The following PREP variants were observed in gnomAD, a reference collection of about 807,000 sequenced individuals.
The protein encoded by PREP is prolyl endopeptidase.
In PREP, 29 loss-of-function variants were observed where a neutral mutation model predicts 87.6. The observed-to-expected ratio is 0.33, with a 90% CI of 0.25 to 0.45. PREP has a LOEUF of 0.45. Among genes scored for constraint, PREP ranks in the 20% least tolerant of loss-of-function variants. PREP has a pLI of 1.00. For synonymous variants in PREP, 337 were observed against 328.6 expected, an observed-to-expected ratio of 1.03 and a Z score of -0.28; for missense variants, 695 against 886.5, an observed-to-expected ratio of 0.78 and a Z score of 2.74.
Position 105,278,488 on chromosome 6 carries a change from T to TA in PREP, c.1839-51dup. ...AGGCTGGAGAGCAACAGTAGAGTTT[T>TA]ATGGCACAGGGACCTAGGTAGTTAA... On this transcript the variant is annotated intron_variant, in intron 14 of 14. Transcript: ENST00000652536. The surrounding 1 kb of genome is among the most constrained non-coding windows in gnomAD (Gnocchi z 4.2). The TA allele has an allele frequency of 6.5e-7, 1 of 1,544,484 alleles. No homozygotes were observed. The highest frequency in any genetic ancestry group is 2.3e-5 in the East Asian group (1 of 44,316).
intron 2 of PREP, among the ~76,000 whole-genome samples, chr6:105,385,086 G>A (rs1268670150): frequency 1.3e-5 from 2 of 152,130 alleles, no homozygotes; most frequent in Non-Finnish European, 2.9e-5. Flanking sequence ...GAGCAGGCTG[G>A]AAAGAGGAGA....
intron 10 of PREP, among the ~76,000 whole-genome samples, chr6:105,317,130 TA>T (rs771901952): frequency 1.7e-4 from 26 of 151,924 alleles, no homozygotes; most frequent in East Asian, 5.8e-4. Flanking sequence ...AAAATATATA[TA>T]TTTTTTTGTA....
chr6:105,333,841 G>A (rs921137656), intron 7 of PREP, among the ~76,000 whole-genome samples: 12 of 152,032 alleles, frequency 7.9e-5, no homozygotes, highest in East Asian at 5.8e-4. Flanking sequence ...CCAAGTCGTC[G>A]TCGTCTCCCT....
At chr6:105,306,929 G>A (rs1485630622) in intron 10 of PREP, among the ~76,000 whole-genome samples, 2 of 152,190 alleles carry the variant, frequency 1.3e-5, no homozygotes, top group African/African-American at 4.8e-5. Flanking sequence ...CTTATCTGCA[G>A]CACTGTGAGG....
rs1461014290 is a variant in PREP at position 105,397,872 on chromosome 6, G to T, written c.101C>A (p.Pro34His). 6.2e-7 allele frequency: 1 copy of T among 1,611,762 alleles called. No homozygotes were observed. The highest frequency in any genetic ancestry group is 2.2e-5 in the East Asian group (1 of 44,876). ...AATTACCTTAGTCTGTTCACTGTCG[G>T]GGTCTTCAAGCCAGGCGTAAGGGTC... is the stretch of plus-strand genomic sequence containing the variant. ...ICDPYAWLED[P>H]DSEQTKAFVE... Residue 34 changes from proline to histidine, a missense_variant, in exon 2 of 15, where the codon CCC becomes CAC. This residue lies in a region of PREP where 517 missense variants were observed against 620.3 expected (regional missense o/e 0.83). Transcript: ENST00000652536.
intron 10 of PREP, among the ~76,000 whole-genome samples, chr6:105,295,641 G>A (rs1770394358): frequency 6.6e-6 from 1 of 151,766 alleles, no homozygotes; most frequent in Non-Finnish European, 1.5e-5. Context: ...TCCTGTTGGT[G>A]TATGTCCTTC....
chr6:105,388,264 C>T (rs932043271), intron 2 of PREP, among the ~76,000 whole-genome samples: 1 of 152,146 alleles, frequency 6.6e-6, no homozygotes, highest in South Asian at 2.1e-4. Context: ...GATACCATCA[C>T]TTGAAAAAGA....
intron 2 of PREP, among the ~76,000 whole-genome samples, chr6:105,382,263 C>T (rs1041813899): frequency 4.0e-5 from 5 of 126,136 alleles, no homozygotes; most frequent in African/African-American, 5.9e-5. Context: ...GGATTTTAAG[C>T]GTTCTCAACA....
rs748405614 is a variant in PREP, at chr6:105,373,571, C to A, written c.393G>T (p.Ala131=). The A allele has an allele frequency of 3.1e-6, 5 of 1,613,894 alleles. No homozygotes were observed. In the African/African-American group the frequency reaches 5.3e-5, roughly 17 times the overall value. The part of the protein sequence containing the change: ...DDGTVALRGY[A]FSEDGEYFAY... ...CAAAATATTCACCATCTTCGCTGAA[C>A]GCATAACCTATGGGACACAGGAGAA... The change falls in exon 5 of 15, where the codon GCG becomes GCT. Residue 131 remains alanine, a synonymous_variant. Transcript: ENST00000652536.
At position 105,277,577 on chromosome 6, in the gene PREP, T is replaced by TTA. The variant is rs1769972027; in HGVS notation, c.*565_*566dup. On this transcript the variant is annotated 3_prime_UTR_variant, in exon 15 of 15. Coordinates refer to ENST00000652536, the MANE Select transcript of PREP (RefSeq NM_002726.5). ...AAGGGAGACAGAGTGGATGAACAAC[T>TTA]TATTTTCAAAGCTAACAAACATTCT... The TTA allele has an allele frequency of 2.0e-5, 3 of 153,204 alleles. No homozygotes were observed. The highest frequency in any genetic ancestry group is 1.3e-4 in the Admixed American group (2 of 15,604). The allele number at this position is 153,204 out of a possible 1,614,324, so 9.5% of individuals were successfully genotyped here.
At chr6:105,283,526 T>C (rs1054200153) in intron 12 of PREP, among the ~76,000 whole-genome samples, 1 of 152,204 alleles carries the variant, frequency 6.6e-6, no homozygotes, top group African/African-American at 2.4e-5. Context: ...AAAACAAATG[T>C]TATTAAGATT....
Position 105,275,224 on chromosome 6 carries a change from G to A in PREP, c.*2920C>T, listed in dbSNP as rs1316375540. 6.6e-6 allele frequency among the ~76,000 whole-genome samples: 1 copy of A among 152,182 alleles called. No homozygotes were observed. The highest frequency in any genetic ancestry group is 2.4e-5 in the African/African-American group (1 of 41,446). On this transcript the variant is annotated 3_prime_UTR_variant, in exon 15 of 15. Coordinates refer to ENST00000652536, the MANE Select transcript of PREP (RefSeq NM_002726.5). ...TGGGCATTAGCTATGTGGCCTGCTG[G>A]GAACTTCCAGAGGCTGGTAAAACTG... is the stretch of plus-strand genomic sequence containing the variant.
chr6:105,350,455 T>C (rs999657767), intron 7 of PREP, among the ~76,000 whole-genome samples: 2 of 152,230 alleles, frequency 1.3e-5, no homozygotes, highest in African/African-American at 4.8e-5. Flanking sequence ...ATTATCCCAA[T>C]ATATCCAACT....
intron 10 of PREP, among the ~76,000 whole-genome samples, chr6:105,294,834 T>A (rs930206554): frequency 5.3e-5 from 8 of 152,328 alleles, no homozygotes; most frequent in Middle Eastern, 3.4e-3. Flanking sequence ...TTTATTTTTT[T>A]AAAAAACTCT....
intron 2 of PREP, among the ~76,000 whole-genome samples, chr6:105,382,314 A>ACACAC (rs1562224795): frequency 2.8e-4 from 35 of 124,022 alleles, no homozygotes; most frequent in African/African-American, 9.4e-4. Flanking sequence ...CACACACACA[A>ACACAC]AGTATGTGAG....
chr6:105,348,912 A>G (rs965947739), intron 7 of PREP, among the ~76,000 whole-genome samples: 5 of 151,822 alleles, frequency 3.3e-5, no homozygotes, highest in African/African-American at 1.2e-4. Context: ...GAAGCCTGGT[A>G]GCCCCTGACA....
chr6:105,368,014 C>T (rs1772436829), intron 6 of PREP, among the ~76,000 whole-genome samples: 1 of 152,188 alleles, frequency 6.6e-6, no homozygotes, highest in Admixed American at 6.5e-5. Context: ...TACGGAAGAT[C>T]AATTCCCATG....
chr6:105,354,525 T>G (rs960907278), intron 6 of PREP, among the ~76,000 whole-genome samples: 105 of 152,134 alleles, frequency 6.9e-4, no homozygotes, highest in Non-Finnish European at 8.8e-5. Context: ...TGTGAAGTTT[T>G]TTTTTTTTTT....
intron 10 of PREP, among the ~76,000 whole-genome samples, chr6:105,315,363 G>T (rs1468158184): frequency 6.6e-6 from 1 of 152,028 alleles, no homozygotes; most frequent in African/African-American, 2.4e-5. Flanking sequence ...ATTTTGTATG[G>T]GATTGCACCA....
Sources: allele counts gnomAD v4.1 joint callset (sites outside exome capture counted in the v4.1 genomes callset), GRCh38; gene constraint gnomAD v4.1.1; regional missense constraint gnomAD v4.1.1; non-coding constraint Gnocchi (gnomAD v3.1); transcripts MANE v1.5; gene names NCBI Gene and HGNC (gene_info 2026-07-23, HGNC 2026-07-21).